Variants in FCN1 observed in about 807,000 individuals in gnomAD.
FCN1 encodes the protein ficolin-1.
FCN1 carries 42 observed loss-of-function variants against 35.6 expected under a neutral mutation model. The ratio of observed to expected loss-of-function variants is 1.18; its 90% confidence interval spans 0.92 to 1.53. FCN1 has a LOEUF of 1.53. FCN1 is among the 40% of genes most tolerant of loss of function. FCN1 has a pLI of 0.00. For synonymous variants in FCN1, 179 were observed against 169.8 expected (o/e 1.05, Z -0.42); for missense variants, 439 against 428.4 (o/e 1.02, Z -0.22).
chr9:134,913,221 G>A (rs1831048408), intron 5 of FCN1, 78 bp from the exon 6 acceptor site: 1 of 1,562,302 alleles, frequency 6.4e-7, no homozygotes, highest in Admixed American at 1.8e-5. Context: ...AGGCCCAGGA[G>A]GGAGGAGGAG....
In FCN1 at chr9:134,913,611, C is replaced by G; in HGVS notation, c.310G>C (p.Asp104His). Residue 104 changes from aspartate to histidine, a missense_variant and splice_region_variant, in exon 5 of 9, where the codon GAC (aspartate) becomes CAC (histidine). Asp to His is a moderately conservative substitution (Grantham distance 81). Transcript: ENST00000371806. Reference protein sequence around the residue: ...GEKGMRGEKGDAGQSQSCATG... With the variant: ...GEKGMRGEKGHAGQSQSCATG... ...GCACACGACTGAGACTGCCCAGCGT[C>G]TCCTGTGTGGGGAGAGGAGACACTT... 6.2e-7 allele frequency: 1 copy of G among 1,606,606 alleles called. No individual in the cohort carries two copies. The highest frequency in any genetic ancestry group is 1.1e-5 in the South Asian group (1 of 90,104).
rs1317682618 is a variant in FCN1, at chr9:134,904,792, T to TA, written c.*5005dup. On this transcript the variant is annotated 3_prime_UTR_variant, in exon 9 of 9. Coordinates refer to ENST00000371806, the MANE Select transcript of FCN1 (RefSeq NM_002003.5). ...GAGACCCTGTTTCAAAAAATAAAAA[T>TA]AAAAAATATATATGAAAGGGAGTTT... Among the ~76,000 whole-genome samples the TA allele has an allele frequency of 1.3e-5, 2 of 150,864 alleles. No individual in the cohort carries two copies. The highest frequency in any genetic ancestry group is 4.9e-5 in the African/African-American group (2 of 41,010).
rs1283749453 is a variant in FCN1 at position 134,905,944 on chromosome 9, CCTCTCCCTCTCCCTCTCCCTCTTT to C, written c.*3830_*3853del. 2.3e-3 allele frequency: 307 copies of C among 132,226 alleles called. 7 individuals are homozygous for C. Among genetic ancestry groups the C allele is most frequent in the Non-Finnish European group, 3.3e-3 (225 of 67,256 alleles). 8.2% of individuals were successfully genotyped at this position (132,226 alleles called of 1,614,324 possible). On this transcript the variant is annotated 3_prime_UTR_variant, in exon 9 of 9. Coordinates refer to ENST00000371806, the MANE Select transcript of FCN1 (RefSeq NM_002003.5). ...TCTTCTCCCTCTCCCTCTCCCTCTC[CCTCTCCCTCTCCCTCTCCCTCTTT>C]CTCCTTCTTCTTCTTCTTCTTTTTA... is the stretch of plus-strand genomic sequence containing the variant.
rs942477782 is a variant in FCN1 at position 134,909,384 on chromosome 9, C to T, written c.*414G>A. On this transcript the variant is annotated 3_prime_UTR_variant, in exon 9 of 9. Transcript: ENST00000371806. The stretch of plus-strand genomic sequence containing the variant: ...GAGGCTTGGGGGTGGAGGTGAGGAT[C>T]GCCCTGTGTCAATTACTGGAGGTGG... The T allele has an allele frequency of 4.7e-6, 6 of 1,289,906 alleles. No homozygotes were observed. The highest frequency in any genetic ancestry group is 4.6e-5 in the Admixed American group (2 of 43,568). The allele number at this position is 1,289,906 out of a possible 1,614,324, so 79.9% of individuals were successfully genotyped here.
At chr9:134,916,632 C>G (rs144867456) in intron 1 of FCN1, among the ~76,000 whole-genome samples, 171 bp from the exon 2 acceptor site, 87 of 152,366 alleles carry the variant, frequency 5.7e-4, no homozygotes, top group African/African-American at 2.0e-3. Flanking sequence ...CCTAGGGGAG[C>G]CCCATCTCCT....
Position 134,905,123 on chromosome 9 carries a change from G to A in FCN1, c.*4675C>T, listed in dbSNP as rs1276843153. On this transcript the variant is annotated 3_prime_UTR_variant, in exon 9 of 9. Coordinates refer to ENST00000371806, the MANE Select transcript of FCN1 (RefSeq NM_002003.5). The stretch of plus-strand genomic sequence containing the variant: ...TCAAGGCTATATATTGCAATCGCAA[G>A]CATAAACACCAAAAGATAGGAAAAG... Among the ~76,000 whole-genome samples, 2 of 152,144 alleles carry A rather than the reference G, an allele frequency of 1.3e-5. No homozygotes were observed. The highest frequency in any genetic ancestry group is 1.9e-4 in the East Asian group (1 of 5,192).
chr9:134,913,182 C>G, intron 5 of FCN1, 39 bp from the exon 6 acceptor site: 1 of 1,610,204 alleles, frequency 6.2e-7, no homozygotes, highest in African/African-American at 1.3e-5. Context: ...AGGACGGGGG[C>G]CCTGGGCAGG....
chr9:134,909,936 G>A lies in FCN1; in HGVS notation c.843C>T (p.Ala281=), dbSNP rs775655624. 2 of 1,614,068 alleles carry A rather than the reference G, an allele frequency of 1.2e-6. No individual in the cohort carries two copies. The highest frequency in any genetic ancestry group is 1.7e-6 in the Non-Finnish European group (2 of 1,180,012). The change falls in exon 9 of 9, where the codon GCC becomes GCT. Residue 281 remains alanine, a synonymous_variant. Coordinates refer to ENST00000371806, the MANE Select transcript of FCN1 (RefSeq NM_002003.5). ...AEKFQGAWWY[A]DCHASNLNGL... ...CATTGAGGTTTGAAGCATGACAGTC[G>A]GCGTACCACCAGGCTCCTTGGAACT...
chr9:134,915,693 G>A (rs76141056), intron 2 of FCN1, among the ~76,000 whole-genome samples: 6,718 of 152,300 alleles, frequency 0.044, 209 homozygotes, highest in Non-Finnish European at 0.069. Context: ...TGCTCCGCAG[G>A]CATCATCTTG....
At position 134,907,749 on chromosome 9, in the gene FCN1, C is replaced by T. The variant is rs755549801; in HGVS notation, c.*2049G>A. The T allele has an allele frequency of 1.3e-5, 2 of 152,234 alleles. No individual in the cohort carries two copies. The highest frequency in any genetic ancestry group is 2.9e-5 in the Non-Finnish European group (2 of 68,060). 9.4% of individuals were successfully genotyped at this position (152,234 alleles called of 1,614,324 possible). A position where few individuals can be genotyped will look rare whatever the true frequency, so the allele number is the denominator to read the frequency against. Reference sequence around the variant, plus strand: ...TCCTTTTGCTGCCATGTTTGTGAGACTCATGCTCCTTGTGTGTAGGTGTCA... The same window carrying T: ...TCCTTTTGCTGCCATGTTTGTGAGATTCATGCTCCTTGTGTGTAGGTGTCA... On this transcript the variant is annotated 3_prime_UTR_variant, in exon 9 of 9. Transcript: ENST00000371806.
intron 6 of FCN1, 131 bp downstream of exon 6, chr9:134,912,885 C>T: frequency 6.9e-7 from 1 of 1,440,830 alleles, no homozygotes. Flanking sequence ...ACCCACGGGT[C>T]ACTTCCCCCA....
In FCN1 at chr9:134,917,172, T is replaced by C. The variant is rs144152808; in HGVS notation, c.103+597A>G. Among the ~76,000 whole-genome samples the C allele has an allele frequency of 4.2e-3, 636 of 152,320 alleles. 5 individuals carry two copies. The highest frequency in any genetic ancestry group is 0.015 in the African/African-American group (603 of 41,570). ...TCCTTTCTGTGTTTCCAGTCCTCCT[T>C]CCACTAGAGCAGGCTGTAATTTACT... On this transcript the variant is annotated intron_variant, in intron 1 of 8. Transcript: ENST00000371806.
intron 1 of FCN1, among the ~76,000 whole-genome samples, chr9:134,917,090 C>A (rs34215980): frequency 0.071 from 10,760 of 152,316 alleles, 516 homozygotes; most frequent in Middle Eastern, 0.11. Flanking sequence ...CTCTTAGAGA[C>A]CATGGAACGG....
Position 134,905,553 on chromosome 9 carries a change from G to A in FCN1, c.*4245C>T, listed in dbSNP as rs11103571. Among the ~76,000 whole-genome samples, 26,204 of 151,030 alleles carry A rather than the reference G, an allele frequency of 0.17. 2,906 individuals are homozygous for A. Among genetic ancestry groups the A allele is most frequent in the Non-Finnish European group, 0.25 (16,881 of 67,704 alleles). On this transcript the variant is annotated 3_prime_UTR_variant, in exon 9 of 9. Transcript: ENST00000371806. ...GGCTGGAGTGCAGTGGTGCGATCTC[G>A]GCTCACTTCAACCTCTGCCTCCTGG...
At position 134,911,273 on chromosome 9, in the gene FCN1, G is replaced by C. The variant is rs1323184321; in HGVS notation, c.599-6C>G. On this transcript the variant is annotated splice_polypyrimidine_tract_variant and splice_region_variant and intron_variant, in intron 7 of 8. Transcript: ENST00000371806. Reference sequence around the variant, plus strand: ...TACACGGAGCTCGCTGCTTCCTGTTGGAAAAAGATTTTAAGGCCCCAGCCT... The same window carrying C: ...TACACGGAGCTCGCTGCTTCCTGTTCGAAAAAGATTTTAAGGCCCCAGCCT... 1 of 1,613,662 alleles carries C rather than the reference G, an allele frequency of 6.2e-7. No homozygotes were observed. Among genetic ancestry groups the C allele is most frequent in the Non-Finnish European group, 8.5e-7 (1 of 1,179,796 alleles).
chr9:134,917,743 GA>G (rs1831108821), intron 1 of FCN1, 25 bp downstream of exon 1: 1 of 1,524,426 alleles, frequency 6.6e-7, no homozygotes. Context: ...AGCTTTTAGG[GA>G]CCAGAAAACC....
chr9:134,911,270 G>T lies in FCN1; in HGVS notation c.599-3C>A. On this transcript the variant is annotated splice_polypyrimidine_tract_variant and splice_region_variant and intron_variant, in intron 7 of 8. Coordinates refer to ENST00000371806, the MANE Select transcript of FCN1 (RefSeq NM_002003.5). ...GTCTACACGGAGCTCGCTGCTTCCT[G>T]TTGGAAAAAGATTTTAAGGCCCCAG... 1 of 1,613,454 alleles carries T rather than the reference G, an allele frequency of 6.2e-7. No homozygotes were observed. Among genetic ancestry groups the T allele is most frequent in the Non-Finnish European group, 8.5e-7 (1 of 1,179,682 alleles).
At chr9:134,914,310 C>A (rs546925447) in intron 4 of FCN1, 75 bp downstream of exon 4, 1 of 1,322,120 alleles carries the variant, frequency 7.6e-7, no homozygotes, top group Non-Finnish European at 1.1e-6. Context: ...GGTGGGCAGG[C>A]GGACTGAGGC....
At position 134,911,130 on chromosome 9, in the gene FCN1, C is replaced by T; in HGVS notation, c.733+3G>A. 2 of 1,614,116 alleles carry T rather than the reference C, an allele frequency of 1.2e-6. No individual in the cohort carries two copies. Among genetic ancestry groups the T allele is most frequent in the Non-Finnish European group, 1.7e-6 (2 of 1,179,986 alleles). On this transcript the variant is annotated splice_donor_region_variant and intron_variant, in intron 8 of 8. Transcript: ENST00000371806. ...AGGCCACCAGCCCCAAGCAGACACTCACCCGCACTGCCCCCGACAAAGGCT... is the reference window on the plus strand; with the variant it reads ...AGGCCACCAGCCCCAAGCAGACACTTACCCGCACTGCCCCCGACAAAGGCT...
Sources: allele counts gnomAD v4.1 joint callset (sites outside exome capture counted in the v4.1 genomes callset), GRCh38; gene constraint gnomAD v4.1.1; transcripts MANE v1.5; gene names NCBI Gene and HGNC (gene_info 2026-07-23, HGNC 2026-07-21).